CSMD2: variants seen among roughly 807,000 people sequenced by gnomAD.
CSMD2 encodes CUB and sushi domain-containing protein 2.
CSMD2 carries 130 observed loss-of-function variants against 398.5 expected under a neutral mutation model. That is an observed-to-expected ratio of 0.33 (90% CI 0.28 to 0.38). The LOEUF (loss-of-function observed/expected upper bound fraction) is 0.38, where lower values mean the gene tolerates loss of function less well. Among genes scored for constraint, CSMD2 ranks in the 10% least tolerant of loss-of-function variants. The pLI, the probability that CSMD2 is intolerant of heterozygous loss-of-function variation, is 1.00. For missense variants in CSMD2, 3,829 were observed against 4,764.9 expected, an observed-to-expected ratio of 0.80 and a Z score of 5.78; for synonymous variants, 1,828 against 1,908.5, an observed-to-expected ratio of 0.96 and a Z score of 1.10.
chr1:34,073,689 C>T (rs1315189857), intron 2 of CSMD2, among the ~76,000 whole-genome samples: 1 of 152,098 alleles, frequency 6.6e-6, no homozygotes, highest in Non-Finnish European at 1.5e-5. Context: ...CAAATAAATC[C>T]AAAGCAATGA....
chr1:33,692,776 T>A (rs773101939), intron 25 of CSMD2, among the ~76,000 whole-genome samples, 154 bp downstream of exon 25: 5 of 152,176 alleles, frequency 3.3e-5, no homozygotes, highest in Non-Finnish European at 4.4e-5. Context: ...CTTTCTAGAT[T>A]TTCTAAGGCA....
At chr1:33,552,260 A>G (rs1205350987) in intron 55 of CSMD2, among the ~76,000 whole-genome samples, 1 of 152,268 alleles carries the variant, frequency 6.6e-6, no homozygotes, top group Non-Finnish European at 1.5e-5. Flanking sequence ...AATAACAAGC[A>G]TAGGAAAGAA....
intron 1 of CSMD2, among the ~76,000 whole-genome samples, chr1:34,106,933 C>A (rs1482544498): frequency 1.3e-5 from 2 of 152,220 alleles, no homozygotes; most frequent in Non-Finnish European, 2.9e-5. Flanking sequence ...CATGGTGATA[C>A]AGATGCAGTT....
chr1:33,815,760 T>C (rs1295049507), intron 9 of CSMD2, among the ~76,000 whole-genome samples: 2 of 152,236 alleles, frequency 1.3e-5, no homozygotes, highest in Non-Finnish European at 2.9e-5. Context: ...CAAGTATACA[T>C]AATTTAATAA....
At chr1:33,796,010 G>A (rs1253543097) in intron 10 of CSMD2, among the ~76,000 whole-genome samples, 2 of 152,228 alleles carry the variant, frequency 1.3e-5, no homozygotes, top group Non-Finnish European at 2.9e-5. Context: ...CTGTATCACA[G>A]ATATTCAGCT....
chr1:33,571,521 C>T lies in CSMD2; in HGVS notation c.7957+11G>A. Reference sequence around the variant, plus strand: ...CTGCTAAACTTGCCCACCCTCCCTTCCTGGGCTTACTTCGGCAGGTGGGCG... The same window carrying T: ...CTGCTAAACTTGCCCACCCTCCCTTTCTGGGCTTACTTCGGCAGGTGGGCG... On this transcript the variant is annotated intron_variant, in intron 51 of 70. Transcript: ENST00000373381. The T allele has an allele frequency of 7.0e-7, 1 of 1,437,948 alleles. No individual in the cohort carries two copies. 89.1% of individuals were successfully genotyped at this position (1,437,948 alleles called of 1,614,324 possible). A position where few individuals can be genotyped will look rare whatever the true frequency, so the allele number is the denominator to read the frequency against.
At position 33,652,480 on chromosome 1, in the gene CSMD2, G is replaced by T. The variant is rs374541649; in HGVS notation, c.4448-19C>A. ...CAGGGAGCTGAGGAGAGAAGAAGAC[G>T]AGGGTGAGGCTGCCTCTTCACCCTG... On this transcript the variant is annotated intron_variant, in intron 27 of 70. Transcript: ENST00000373381. 6.2e-7 allele frequency: 1 copy of T among 1,612,412 alleles called. No homozygotes were observed. The highest frequency in any genetic ancestry group is 8.5e-7 in the Non-Finnish European group (1 of 1,178,680).
chr1:33,907,840 TAC>T (rs1643197451), intron 5 of CSMD2, among the ~76,000 whole-genome samples: 1 of 152,002 alleles, frequency 6.6e-6, no homozygotes, highest in Admixed American at 6.5e-5. Context: ...TGAAAAGAAG[TAC>T]AGACTGGGCT....
intron 56 of CSMD2, among the ~76,000 whole-genome samples, chr1:33,546,478 G>A: frequency 6.6e-6 from 1 of 152,176 alleles, no homozygotes; most frequent in East Asian, 1.9e-4. Flanking sequence ...TGTGGCCCGT[G>A]CCAGTCTGGA....
chr1:34,077,427 G>A lies in CSMD2; in HGVS notation c.404+11550C>T, dbSNP rs1349731851. Among the ~76,000 whole-genome samples the A allele has an allele frequency of 1.5e-3, 175 of 114,404 alleles. 1 individual carries two copies. Among genetic ancestry groups the A allele is most frequent in the Middle Eastern group, 5.8e-3 (1 of 172 alleles). 75.1% of individuals were successfully genotyped at this position (114,404 alleles called of 152,430 possible). The stretch of plus-strand genomic sequence containing the variant: ...AGCCAAGATTGTGCCACTGCAATCC[G>A]GCCTGGGCTAAAGAGCGGAACTCCG... On this transcript the variant is annotated intron_variant, in intron 2 of 70. Transcript: ENST00000373381.
At chr1:33,788,507 CAAAAAA>C in intron 12 of CSMD2, 87 bp downstream of exon 12, 7 of 522,170 alleles carry the variant, frequency 1.3e-5, no homozygotes, top group East Asian at 3.4e-5. Flanking sequence ...GACTCCGTCT[CAAAAAA>C]AAAAAAAAAA....
At chr1:34,140,068 C>G (rs1639126513) in intron 1 of CSMD2, among the ~76,000 whole-genome samples, 1 of 152,152 alleles carries the variant, frequency 6.6e-6, no homozygotes, top group South Asian at 2.1e-4. Flanking sequence ...CCCTGACCTC[C>G]TGAAGCTTCC....
At chr1:33,956,542 G>A (rs1180239257) in intron 3 of CSMD2, among the ~76,000 whole-genome samples, 1 of 152,198 alleles carries the variant, frequency 6.6e-6, no homozygotes, top group Non-Finnish European at 1.5e-5. Flanking sequence ...AAACATCACA[G>A]CTTAGAGTTG....
intron 13 of CSMD2, among the ~76,000 whole-genome samples, chr1:33,763,760 A>G (rs1650136877): frequency 1.3e-5 from 2 of 152,174 alleles, no homozygotes. Flanking sequence ...GCATGATGGT[A>G]CTTTGGGAAG....
intron 52 of CSMD2, 128 bp downstream of exon 52, chr1:33,569,246 G>T: frequency 1.0e-6 from 1 of 996,094 alleles, no homozygotes; most frequent in Non-Finnish European, 1.4e-6. Flanking sequence ...AATAGTTGGT[G>T]TTTGGATTAA....
intron 53 of CSMD2, among the ~76,000 whole-genome samples, chr1:33,564,869 T>C (rs1252856637): frequency 6.6e-6 from 1 of 152,202 alleles, no homozygotes; most frequent in Non-Finnish European, 1.5e-5. Flanking sequence ...AACTTGCACT[T>C]TACATAAAGG....
intron 57 of CSMD2, 47 bp downstream of exon 57, chr1:33,545,990 C>A: frequency 6.4e-7 from 1 of 1,563,700 alleles, no homozygotes. Context: ...CAGGGGCGAG[C>A]TCTGGGGCTG....
intron 1 of CSMD2, among the ~76,000 whole-genome samples, chr1:34,147,899 T>C (rs1196503264): frequency 1.3e-5 from 2 of 152,110 alleles, no homozygotes; most frequent in Non-Finnish European, 2.9e-5. Flanking sequence ...CACAAGGTTG[T>C]TCAAGAGAGT....
chr1:33,823,423 G>A (rs1276771564), intron 7 of CSMD2, among the ~76,000 whole-genome samples: 4 of 150,556 alleles, frequency 2.7e-5, no homozygotes, highest in African/African-American at 9.8e-5. Context: ...AGTCTTCTCT[G>A]CCTACTCAAA....
Sources: gnomAD v4.1 joint callset for allele counts (sites outside exome capture counted in the v4.1 genomes callset) on GRCh38, gnomAD v4.1.1 for gene constraint, MANE v1.5 for transcripts, NCBI Gene and HGNC (gene_info 2026-07-23, HGNC 2026-07-21) for gene names.